The following ZNF101 variants were observed in gnomAD, a reference collection of about 807,000 sequenced individuals.
The protein encoded by ZNF101 is zinc finger protein 101.
Under a neutral mutation model 42.6 loss-of-function variants are expected in ZNF101, and 34 were observed. The ratio of observed to expected loss-of-function variants is 0.80; its 90% confidence interval spans 0.61 to 1.06. ZNF101 has a LOEUF of 1.06. Ranked by LOEUF, ZNF101 falls within the 50% of genes least tolerant of loss-of-function variation. ZNF101 has a pLI of 0.00. For synonymous variants in ZNF101, 158 were observed against 183.9 expected (o/e 0.86, Z 1.14); for missense variants, 466 against 530.9 (o/e 0.88, Z 1.20).
intron 1 of ZNF101, among the ~76,000 whole-genome samples, chr19:19,669,664 G>C (rs923161643): frequency 2.6e-5 from 4 of 151,926 alleles, no homozygotes; most frequent in Non-Finnish European, 4.4e-5. Flanking sequence ...CGGCTAACTT[G>C]TATTTTCAGT....
chr19:19,676,503 T>C (rs1241245985), intron 1 of ZNF101: 1 of 152,238 alleles, frequency 6.6e-6, no homozygotes, highest in African/African-American at 2.4e-5. Context: ...GGTTTGGAAA[T>C]CTTTGGTGTT....
At chr19:19,668,590 T>A (rs539271728), upstream of ZNF101, among the ~76,000 whole-genome samples, 1 of 152,070 alleles carries the variant, frequency 6.6e-6, no homozygotes, top group South Asian at 2.1e-4. Context: ...GGGAGCAAGT[T>A]CTGCTTCCAT....
intron 1 of ZNF101, chr19:19,676,257 G>A (rs746627978): frequency 1.3e-5 from 2 of 152,078 alleles, no homozygotes; most frequent in Non-Finnish European, 2.9e-5. Flanking sequence ...GTCTTGCTCT[G>A]TTGCCCAGGC....
At position 19,679,249 on chromosome 19, in the gene ZNF101, C is replaced by A. The variant is rs768148656; in HGVS notation, c.260C>A (p.Pro87His). 2.5e-6 allele frequency: 4 copies of A among 1,614,076 alleles called. No homozygotes were observed. The African/African-American group carries it at 4.0e-5, about 16-fold the overall frequency. ...NEHRETFSQIPDCHLNKKSQT... is the reference protein window; with the variant it reads ...NEHRETFSQIHDCHLNKKSQT... Reference sequence around the variant, plus strand: ...CACAGAGAAACTTTCAGCCAGATTCCTGATTGTCACCTGAACAAGAAAAGT... The same window carrying A: ...CACAGAGAAACTTTCAGCCAGATTCATGATTGTCACCTGAACAAGAAAAGT... The change falls in exon 4 of 4, where the codon CCT (proline) becomes CAT (histidine). Residue 87 changes from proline to histidine, a missense_variant. By Grantham distance (77) the Pro-to-His change is moderately conservative. Coordinates refer to ENST00000592502, the MANE Select transcript of ZNF101 (RefSeq NM_033204.4).
chr19:19,678,775 G>T lies in ZNF101; in HGVS notation c.180G>T (p.Gly60=), dbSNP rs375298165. ...QDIENLYQNL[G]IKLRSLVERL... ...TTGAGAATCTGTACCAAAACCTGGG[G>T]ATTAAGCTAAGGTAATCTCCACTCA... Residue 60 remains glycine (G), a synonymous_variant, in exon 3 of 4, where the codon GGG becomes GGT. Coordinates refer to ENST00000592502, the MANE Select transcript of ZNF101 (RefSeq NM_033204.4). The T allele has an allele frequency of 5.1e-5, 83 of 1,611,810 alleles. No homozygotes were observed. The highest frequency in any genetic ancestry group is 2.1e-5 in the Non-Finnish European group (25 of 1,179,396).
At position 19,669,441 on chromosome 19, in the gene ZNF101, C is replaced by T. The variant is rs188732525; in HGVS notation, c.3+475C>T. ...TAAATCCCTAAATTTCCCCGCATTC[C>T]CCAACCCTAAGTTCTCCCTCCAGTA... On this transcript the variant is annotated intron_variant, in intron 1 of 3. Coordinates refer to ENST00000592502, the MANE Select transcript of ZNF101 (RefSeq NM_033204.4). Among the ~76,000 whole-genome samples, 4 of 152,304 alleles carry T rather than the reference C, an allele frequency of 2.6e-5. No individual in the cohort carries two copies. The East Asian group carries it at 7.7e-4, about 29-fold the overall frequency.
chr19:19,679,706 A>T lies in ZNF101; in HGVS notation c.717A>T (p.Leu239Phe). The change falls in exon 4 of 4, where the codon TTA (leucine) becomes TTT (phenylalanine). Residue 239 changes from leucine to phenylalanine, a missense_variant. Transcript: ENST00000592502. ...YCGKPIDYPS[L>F]FQIHVRTHTG... ...GAAAACCTATCGATTATCCCAGTTTATTTCAAATTCATGTTAGAACTCACA... is the reference window on the plus strand; with the variant it reads ...GAAAACCTATCGATTATCCCAGTTTTTTTCAAATTCATGTTAGAACTCACA... The T allele has an allele frequency of 6.2e-7, 1 of 1,614,150 alleles. No individual in the cohort carries two copies.
rs143685214 is a variant in ZNF101 at position 19,681,070 on chromosome 19, C to G, written c.*770C>G. ...GGTTGAGGCTGCAGTGAGCTGAGATCGTGCCACTACACTCCAGCCTGGATG... is the reference window on the plus strand; with the variant it reads ...GGTTGAGGCTGCAGTGAGCTGAGATGGTGCCACTACACTCCAGCCTGGATG... On this transcript the variant is annotated 3_prime_UTR_variant, in exon 4 of 4. Transcript: ENST00000592502. The G allele has an allele frequency of 2.0e-5, 3 of 152,014 alleles. No individual in the cohort carries two copies. The highest frequency in any genetic ancestry group is 4.4e-5 in the Non-Finnish European group (3 of 68,052). 9.4% of individuals were successfully genotyped at this position (152,014 alleles called of 1,614,324 possible). A position where few individuals can be genotyped will look rare whatever the true frequency, so the allele number is the denominator to read the frequency against.
rs1411888993 is a variant in ZNF101, at chr19:19,681,319, ACT to A, written c.*1023_*1024del. 11 of 152,202 alleles carry A rather than the reference ACT, an allele frequency of 7.2e-5. No homozygotes were observed. The highest frequency in any genetic ancestry group is 2.4e-4 in the African/African-American group (10 of 41,450). 9.4% of individuals were successfully genotyped at this position (152,202 alleles called of 1,614,324 possible). ...GTAGAAATGTACAGAATATGGGGAA[ACT>A]CTCATTGCTCTCATCTCCATTCAAA... is the stretch of plus-strand genomic sequence containing the variant. On this transcript the variant is annotated 3_prime_UTR_variant, in exon 4 of 4. Transcript: ENST00000592502.
At chr19:19,676,880 C>G (rs1332702879) in intron 1 of ZNF101, 1 of 152,190 alleles carries the variant, frequency 6.6e-6, no homozygotes, top group Non-Finnish European at 1.5e-5. Flanking sequence ...AGTGATCCAC[C>G]TGCCTCGGCC....
chr19:19,672,548 C>T (rs577257949), intron 1 of ZNF101, among the ~76,000 whole-genome samples: 10 of 150,062 alleles, frequency 6.7e-5, no homozygotes, highest in Non-Finnish European at 7.4e-5. Context: ...TTTTTTTTGG[C>T]GGGGGGGGTC....
At chr19:19,668,472 G>A (rs931660226), upstream of ZNF101, among the ~76,000 whole-genome samples, 1 of 152,124 alleles carries the variant, frequency 6.6e-6, no homozygotes, top group Non-Finnish European at 1.5e-5. Context: ...GGTCAGTGGG[G>A]AGGAGGTCTA....
chr19:19,668,700 C>G (rs977434974), upstream of ZNF101: 11 of 473,190 alleles, frequency 2.3e-5, no homozygotes, highest in Non-Finnish European at 4.2e-5. Flanking sequence ...GATCACCTCT[C>G]CTGTCGCTCA....
At chr19:19,673,785 AATT>A (rs35473462) in intron 1 of ZNF101, among the ~76,000 whole-genome samples, 31 of 142,388 alleles carry the variant, frequency 2.2e-4, no homozygotes, top group African/African-American at 2.6e-4. Flanking sequence ...AGGCTTTTTA[AATT>A]ATTATTATTA....
chr19:19,675,737 A>G (rs1400615862), intron 1 of ZNF101, among the ~76,000 whole-genome samples: 1 of 151,942 alleles, frequency 6.6e-6, no homozygotes, highest in Non-Finnish European at 1.5e-5. Context: ...GGCCGGGCAC[A>G]GTGGCTTATG....
At chr19:19,668,332 C>T (rs567953539), upstream of ZNF101, among the ~76,000 whole-genome samples, 405 of 152,118 alleles carry the variant, frequency 2.7e-3, 5 homozygotes, top group Non-Finnish European at 1.2e-3. Context: ...GTCGGGGGTG[C>T]AGGTGTCCTG....
At chr19:19,673,401 C>T (rs974761048) in intron 1 of ZNF101, among the ~76,000 whole-genome samples, 1 of 151,630 alleles carries the variant, frequency 6.6e-6, no homozygotes, top group African/African-American at 2.4e-5. Flanking sequence ...AGGCACGTGC[C>T]ACCACACCTG....
intron 1 of ZNF101, among the ~76,000 whole-genome samples, chr19:19,669,467 C>T (rs2062155731): frequency 6.6e-6 from 1 of 152,188 alleles, no homozygotes; most frequent in African/African-American, 2.4e-5. Context: ...CCCTCCAGTA[C>T]ATCCACTTCA....
intron 1 of ZNF101, chr19:19,677,589 G>A: frequency 3.1e-6 from 1 of 326,668 alleles, no homozygotes; most frequent in Non-Finnish European, 5.7e-6. Flanking sequence ...GATTCACTCT[G>A]CAAAGAGCAT....
Sources: gnomAD v4.1 joint callset for allele counts (sites outside exome capture counted in the v4.1 genomes callset) on GRCh38, gnomAD v4.1.1 for gene constraint, MANE v1.5 for transcripts, NCBI Gene and HGNC (gene_info 2026-07-23, HGNC 2026-07-21) for gene names.